MAGI2: variants seen among roughly 807,000 people sequenced by gnomAD.
MAGI2 encodes the protein membrane associated guanylate kinase, WW and PDZ domain containing 2.
Under a neutral mutation model 133.3 loss-of-function variants are expected in MAGI2, and 35 were observed. The observed-to-expected ratio is 0.26, with a 90% CI of 0.20 to 0.35. MAGI2 has a LOEUF of 0.35. Among genes scored for constraint, MAGI2 ranks in the 10% least tolerant of loss-of-function variants. MAGI2 has a pLI of 1.00. For synonymous variants in MAGI2, 729 were observed against 710.6 expected (o/e 1.03, Z -0.41); for missense variants, 1,636 against 1,863.4 (o/e 0.88, Z 2.25).
Position 78,038,201 on chromosome 7 carries a change from C to G in MAGI2, c.3707-18225G>C, listed in dbSNP as rs182599008. ...ACTGTTGCAATTTCAGCCCCTAACA[C>G]AGTGCTGGGCACATGTTAAGTGTTC... On this transcript the variant is annotated intron_variant, in intron 21 of 21. Transcript: ENST00000354212. Among the ~76,000 whole-genome samples, 291 of 152,284 alleles carry G rather than the reference C, an allele frequency of 1.9e-3. 1 individual carries two copies. Among genetic ancestry groups the G allele is most frequent in the African/African-American group, 6.8e-3 (283 of 41,544 alleles).
At chr7:79,197,522 C>T (rs1459771505) in intron 1 of MAGI2, among the ~76,000 whole-genome samples, 1 of 152,030 alleles carries the variant, frequency 6.6e-6, no homozygotes, top group Non-Finnish European at 1.5e-5. Context: ...ATTTAACTAA[C>T]TTGGTCTCTT....
chr7:79,303,276 C>T (rs1837520825), intron 1 of MAGI2, among the ~76,000 whole-genome samples: 1 of 139,204 alleles, frequency 7.2e-6, no homozygotes, highest in African/African-American at 2.7e-5. Context: ...AACCAAAAAA[C>T]ATTTGTACCC....
intron 2 of MAGI2, among the ~76,000 whole-genome samples, chr7:78,777,411 C>G (rs866752311): frequency 6.6e-5 from 10 of 152,194 alleles, no homozygotes; most frequent in African/African-American, 2.4e-4. Flanking sequence ...AGGAGCTTAG[C>G]ACAGTGCCTG....
chr7:79,042,204 G>A (rs1192655757), intron 1 of MAGI2, among the ~76,000 whole-genome samples: 1 of 152,098 alleles, frequency 6.6e-6, no homozygotes, highest in South Asian at 2.1e-4. Flanking sequence ...TTCATCAAAG[G>A]AGATAAATGA....
At chr7:79,448,446 A>C (rs1849012514) in intron 1 of MAGI2, among the ~76,000 whole-genome samples, 1 of 152,270 alleles carries the variant, frequency 6.6e-6, no homozygotes, top group Non-Finnish European at 1.5e-5. Flanking sequence ...ATATGTTTGC[A>C]ATAGCATTTA....
At chr7:78,868,050 AAGC>A (rs1794729758) in intron 2 of MAGI2, among the ~76,000 whole-genome samples, 1 of 152,336 alleles carries the variant, frequency 6.6e-6, no homozygotes, top group Admixed American at 6.5e-5. Context: ...CTAAAATTCA[AAGC>A]AGAGTATTAA....
At chr7:79,126,173 G>A (rs1019274800) in intron 1 of MAGI2, among the ~76,000 whole-genome samples, 3 of 152,198 alleles carry the variant, frequency 2.0e-5, no homozygotes, top group Non-Finnish European at 4.4e-5. Context: ...AAAAAATAGA[G>A]GAAGATGAAG....
chr7:78,612,814 C>T (rs1332564115), intron 3 of MAGI2, among the ~76,000 whole-genome samples: 12 of 151,980 alleles, frequency 7.9e-5, no homozygotes, highest in Non-Finnish European at 1.6e-4. Flanking sequence ...GGACTACAGG[C>T]GCCCGCCACC....
At chr7:78,120,948 C>T (rs1336603460) in intron 20 of MAGI2, among the ~76,000 whole-genome samples, 3 of 130,668 alleles carry the variant, frequency 2.3e-5, no homozygotes, top group Non-Finnish European at 3.1e-5. Context: ...TTGCAGTGAG[C>T]CGAGATCCCG....
At chr7:78,497,766 T>TCTGTCTGTCTGTCTGTCTATCTA (rs1385517709) in intron 5 of MAGI2, among the ~76,000 whole-genome samples, 1 of 135,310 alleles carries the variant, frequency 7.4e-6, no homozygotes. Context: ...CTATCTATCT[T>TCTGTCTGTCTGTCTGTCTATCTA]TCTATCTTAT....
chr7:78,344,478 C>T (rs1790700066), intron 8 of MAGI2, among the ~76,000 whole-genome samples: 1 of 152,060 alleles, frequency 6.6e-6, no homozygotes, highest in Non-Finnish European at 1.5e-5. Context: ...AATATTTCAG[C>T]ATGTGCAATA....
chr7:78,469,642 T>C (rs963671117), intron 6 of MAGI2, among the ~76,000 whole-genome samples: 5 of 152,188 alleles, frequency 3.3e-5, no homozygotes, highest in African/African-American at 1.2e-4. Flanking sequence ...ATTATCTTTT[T>C]AGAGGCAGAC....
At chr7:78,631,523 G>C (rs1306976510) in intron 2 of MAGI2, among the ~76,000 whole-genome samples, 1 of 152,152 alleles carries the variant, frequency 6.6e-6, no homozygotes, top group Non-Finnish European at 1.5e-5. Context: ...GGTCAAGAGA[G>C]TGGGTTGAAA....
intron 1 of MAGI2, among the ~76,000 whole-genome samples, chr7:79,428,251 CTG>C (rs998703212): frequency 2.2e-4 from 34 of 152,138 alleles, no homozygotes; most frequent in African/African-American, 8.2e-4. Context: ...ACATATAAGA[CTG>C]TGTAAATCTA....
intron 4 of MAGI2, among the ~76,000 whole-genome samples, chr7:78,510,639 T>C (rs186731772): frequency 1.3e-5 from 2 of 152,300 alleles, no homozygotes; most frequent in East Asian, 3.9e-4. Context: ...TCAATTGAGC[T>C]TTTCTTCCTC....
At chr7:78,757,026 C>A (rs1057109053) in intron 2 of MAGI2, among the ~76,000 whole-genome samples, 1 of 152,104 alleles carries the variant, frequency 6.6e-6, no homozygotes, top group Non-Finnish European at 1.5e-5. Flanking sequence ...CCCATTTCTC[C>A]TTAAAGTCTC....
chr7:79,192,220 T>C (rs1330698253), intron 1 of MAGI2, among the ~76,000 whole-genome samples: 1 of 151,898 alleles, frequency 6.6e-6, no homozygotes, highest in Non-Finnish European at 1.5e-5. Context: ...CAAGTTTATT[T>C]ATTTTTTATC....
At chr7:78,974,963 G>A (rs1375063507) in intron 2 of MAGI2, among the ~76,000 whole-genome samples, 3 of 151,514 alleles carry the variant, frequency 2.0e-5, no homozygotes, top group South Asian at 2.1e-4. Context: ...CAATGGGGTC[G>A]ATTTTTAAAG....
At chr7:78,938,442 T>C (rs1287807109) in intron 2 of MAGI2, among the ~76,000 whole-genome samples, 5 of 152,130 alleles carry the variant, frequency 3.3e-5, no homozygotes, top group African/African-American at 1.2e-4. Flanking sequence ...ATGATGCATA[T>C]AGAGATGATA....
Sources: gnomAD v4.1 joint callset for allele counts (sites outside exome capture counted in the v4.1 genomes callset) on GRCh38, gnomAD v4.1.1 for gene constraint, MANE v1.5 for transcripts, NCBI Gene and HGNC (gene_info 2026-07-23, HGNC 2026-07-21) for gene names.